The following WWOX variants were observed in gnomAD, a reference collection of about 807,000 sequenced individuals.
The protein encoded by WWOX is WW domain-containing oxidoreductase.
In WWOX, 69 loss-of-function variants were observed where a neutral mutation model predicts 46.2. The ratio of observed to expected loss-of-function variants is 1.49; its 90% CI spans 1.23 to 1.82. WWOX has a LOEUF of 1.82. Ranked by LOEUF, WWOX falls within the 40% of genes most tolerant of loss-of-function variation. The probability of loss-of-function intolerance (pLI) is 0.00; values close to 1 mark genes in which losing one functional copy is unlikely to be tolerated. For missense variants in WWOX, 919 were observed against 542.6 expected, an observed-to-expected ratio of 1.69 and a Z score of -6.89; for synonymous variants, 359 against 202.6, an observed-to-expected ratio of 1.77 and a Z score of -6.56.
chr16:79,207,169 C>CA, intron 8 of WWOX, among the ~76,000 whole-genome samples: 1 of 152,326 alleles, frequency 6.6e-6, no homozygotes, highest in South Asian at 2.1e-4. Context: ...ACCGCAGCAG[C>CA]TCTCTGATAA....
chr16:79,061,099 G>T (rs370486512), intron 8 of WWOX, among the ~76,000 whole-genome samples: 9 of 152,260 alleles, frequency 5.9e-5, no homozygotes, highest in African/African-American at 2.2e-4. Flanking sequence ...ACGCAAGAGA[G>T]GTACATTGGG....
At chr16:78,568,961 G>C (rs2044645551) in intron 8 of WWOX, among the ~76,000 whole-genome samples, 2 of 152,180 alleles carry the variant, frequency 1.3e-5, no homozygotes, top group Admixed American at 1.3e-4. Context: ...CCTTAGCTAT[G>C]TAAACAGATG....
rs146595048 is a variant in WWOX at position 78,380,748 on chromosome 16, C to T, written c.517-6112C>T. 3.6e-3 allele frequency among the ~76,000 whole-genome samples: 551 copies of T among 152,278 alleles called. 2 individuals carry two copies. Among genetic ancestry groups the T allele is most frequent in the African/African-American group, 0.013 (537 of 41,550 alleles). On this transcript the variant is annotated intron_variant, in intron 5 of 8. Coordinates refer to ENST00000566780, the MANE Select transcript of WWOX (RefSeq NM_016373.4). ...GCAGGTGCTGTTATTACTCCCACTTCACAGAGGAGCAAACTAAATATACAA... is the reference window on the plus strand; with the variant it reads ...GCAGGTGCTGTTATTACTCCCACTTTACAGAGGAGCAAACTAAATATACAA...
At chr16:78,365,506 A>G (rs1295929907) in intron 5 of WWOX, among the ~76,000 whole-genome samples, 1 of 152,146 alleles carries the variant, frequency 6.6e-6, no homozygotes, top group Non-Finnish European at 1.5e-5. Context: ...TGACTTCAAT[A>G]ATGACAAAAA....
intron 8 of WWOX, among the ~76,000 whole-genome samples, chr16:79,174,084 TG>T (rs2050753546): frequency 6.6e-6 from 1 of 152,174 alleles, no homozygotes; most frequent in African/African-American, 2.4e-5. Context: ...TATTTGACCT[TG>T]ATCTTGTGAG....
chr16:78,836,176 A>C lies in WWOX; in HGVS notation c.1057-375432A>C, dbSNP rs76340121. Among the ~76,000 whole-genome samples the C allele has an allele frequency of 9.1e-4, 134 of 147,548 alleles. 1 individual carries two copies. The highest frequency in any genetic ancestry group is 3.3e-3 in the African/African-American group (133 of 40,230). On this transcript the variant is annotated intron_variant, in intron 8 of 8. Transcript: ENST00000566780. Reference sequence around the variant, plus strand: ...GGTATAACAGCAGTGGTTAACATGCATTTTTTTTTTTTAACAGTTAGATTT... The same window carrying C: ...GGTATAACAGCAGTGGTTAACATGCCTTTTTTTTTTTTAACAGTTAGATTT...
chr16:79,123,178 G>A (rs142705041), intron 8 of WWOX, among the ~76,000 whole-genome samples: 2 of 152,194 alleles, frequency 1.3e-5, no homozygotes, highest in Non-Finnish European at 2.9e-5. Flanking sequence ...GGAGGACACC[G>A]CTGGTCTGTG....
intron 8 of WWOX, among the ~76,000 whole-genome samples, chr16:78,922,324 G>T (rs1422990573): frequency 6.6e-6 from 1 of 151,798 alleles, no homozygotes; most frequent in Non-Finnish European, 1.5e-5. Context: ...GATCAGAGGT[G>T]CCCAAGCAAA....
chr16:78,582,906 T>C (rs181521852), intron 8 of WWOX, among the ~76,000 whole-genome samples: 20 of 152,250 alleles, frequency 1.3e-4, no homozygotes, highest in Admixed American at 1.0e-3. Context: ...TCTGCTAATT[T>C]TGGGGACAAG....
At chr16:78,368,331 T>G (rs1027499686) in intron 5 of WWOX, among the ~76,000 whole-genome samples, 1 of 152,180 alleles carries the variant, frequency 6.6e-6, no homozygotes, top group Non-Finnish European at 1.5e-5. Flanking sequence ...CTGGAACATA[T>G]GGCCCTTAGC....
chr16:78,828,820 A>G (rs191991017), intron 8 of WWOX, among the ~76,000 whole-genome samples: 6 of 152,286 alleles, frequency 3.9e-5, no homozygotes, highest in Non-Finnish European at 7.3e-5. Context: ...GAAACTATGT[A>G]ATGGAGACTC....
At position 78,115,204 on chromosome 16, in the gene WWOX, C is replaced by T. The variant is rs117485631; in HGVS notation, c.409+50C>T. 2.7e-3 allele frequency: 4,389 copies of T among 1,603,142 alleles called. 10 individuals are homozygous for T. Among genetic ancestry groups the T allele is most frequent in the Non-Finnish European group, 3.5e-3 (4,123 of 1,170,180 alleles). On this transcript the variant is annotated intron_variant, in intron 4 of 8. Coordinates refer to ENST00000566780, the MANE Select transcript of WWOX (RefSeq NM_016373.4). Reference sequence around the variant, plus strand: ...TCTTTGGGACTGCTATAATGAGATCCACTTAGATCTAGCTATAATGGAATT... The same window carrying T: ...TCTTTGGGACTGCTATAATGAGATCTACTTAGATCTAGCTATAATGGAATT...
chr16:79,177,111 C>A (rs1438331268), intron 8 of WWOX, among the ~76,000 whole-genome samples: 1 of 152,196 alleles, frequency 6.6e-6, no homozygotes, highest in Non-Finnish European at 1.5e-5. Context: ...ACACTCAGTG[C>A]ACAAGTCCTT....
At chr16:78,376,369 T>C (rs578198242) in intron 5 of WWOX, among the ~76,000 whole-genome samples, 71 of 152,328 alleles carry the variant, frequency 4.7e-4, no homozygotes, top group African/African-American at 1.7e-3. Flanking sequence ...ACGATGTTTT[T>C]ACATGGGTAG....
rs141474664 is a variant in WWOX at position 78,573,741 on chromosome 16, C to A, written c.1056+140989C>A. ...CCAAAGCTTTCATCAGGTTCACTTGCTTCCTGTCCTTGCCACACCATCTGC... is the reference window on the plus strand; with the variant it reads ...CCAAAGCTTTCATCAGGTTCACTTGATTCCTGTCCTTGCCACACCATCTGC... On this transcript the variant is annotated intron_variant, in intron 8 of 8. Coordinates refer to ENST00000566780, the MANE Select transcript of WWOX (RefSeq NM_016373.4). Among the ~76,000 whole-genome samples, 970 of 152,320 alleles carry A rather than the reference C, an allele frequency of 6.4e-3. 5 individuals are homozygous for A. Among genetic ancestry groups the A allele is most frequent in the Non-Finnish European group, 9.8e-3 (669 of 68,024 alleles).
chr16:79,150,406 A>G (rs564278883), intron 8 of WWOX, among the ~76,000 whole-genome samples: 6 of 152,190 alleles, frequency 3.9e-5, no homozygotes, highest in African/African-American at 1.4e-4. Context: ...AGATGCTTCA[A>G]CTACCAGGTA....
At chr16:78,751,788 AAG>A (rs564357754) in intron 8 of WWOX, among the ~76,000 whole-genome samples, 8 of 151,160 alleles carry the variant, frequency 5.3e-5, no homozygotes, top group Non-Finnish European at 1.0e-4. Flanking sequence ...GAGGGAGGGA[AAG>A]AGAGAGAGAG....
Position 79,008,685 on chromosome 16 carries a change from C to G in WWOX, c.1057-202923C>G, listed in dbSNP as rs554807685. On this transcript the variant is annotated intron_variant, in intron 8 of 8. Transcript: ENST00000566780. ...CCAGGTCATACTGATGTCACTCTCC[C>G]TACTCCCTTCACTCCCTCCAGCACC... Among the ~76,000 whole-genome samples the G allele has an allele frequency of 2.5e-3, 385 of 152,292 alleles. 2 individuals carry two copies. Among genetic ancestry groups the G allele is most frequent in the Middle Eastern group, 0.01 (3 of 294 alleles).
rs139936012 is a variant in WWOX, at chr16:79,031,062, C to T, written c.1057-180546C>T. 5.6e-3 allele frequency among the ~76,000 whole-genome samples: 810 copies of T among 145,376 alleles called. 8 individuals are homozygous for T. Among genetic ancestry groups the T allele is most frequent in the African/African-American group, 0.019 (762 of 39,190 alleles). ...GAGCCGAGATCGAGTCACTGCACTCCAGCCTGGACAACAGAGTGAGACCCT... is the reference window on the plus strand; with the variant it reads ...GAGCCGAGATCGAGTCACTGCACTCTAGCCTGGACAACAGAGTGAGACCCT... On this transcript the variant is annotated intron_variant, in intron 8 of 8. Coordinates refer to ENST00000566780, the MANE Select transcript of WWOX (RefSeq NM_016373.4).
Sources: gnomAD v4.1 joint callset for allele counts (sites outside exome capture counted in the v4.1 genomes callset) on GRCh38, gnomAD v4.1.1 for gene constraint, MANE v1.5 for transcripts, NCBI Gene and HGNC (gene_info 2026-07-23, HGNC 2026-07-21) for gene names.